LRP1B: variants seen among roughly 807,000 people sequenced by gnomAD.
LRP1B encodes LDL receptor related protein 1B, also known as low-density lipoprotein receptor-related protein 1B.
LRP1B carries 217 observed loss-of-function variants against 556.6 expected under a neutral mutation model. That is an observed-to-expected ratio of 0.39 (90% CI 0.35 to 0.44). The LOEUF (loss-of-function observed/expected upper bound fraction) is 0.44, where lower values mean the gene tolerates loss of function less well. Among genes scored for constraint, LRP1B ranks in the 20% least tolerant of loss-of-function variants. LRP1B has a pLI of 1.00. For synonymous variants in LRP1B, 2,047 were observed against 1,865.8 expected, an observed-to-expected ratio of 1.10 and a Z score of -2.50; for missense variants, 5,053 against 5,620.8, an observed-to-expected ratio of 0.90 and a Z score of 3.23.
intron 6 of LRP1B, among the ~76,000 whole-genome samples, chr2:141,202,216 T>C (rs1284072633): frequency 1.3e-5 from 2 of 152,166 alleles, no homozygotes; most frequent in Non-Finnish European, 2.9e-5. Flanking sequence ...GCTCCATCCA[T>C]GTTACTGCAA....
rs1695510002 is a variant in LRP1B, at chr2:140,945,325, A to T, written c.3136+4910T>A. Among the ~76,000 whole-genome samples, 3 of 152,194 alleles carry T rather than the reference A, an allele frequency of 2.0e-5. No homozygotes were observed. In the South Asian group the frequency reaches 6.2e-4, roughly 31 times the overall value. On this transcript the variant is annotated intron_variant, in intron 20 of 90. Coordinates refer to ENST00000389484, the MANE Select transcript of LRP1B (RefSeq NM_018557.3). ...CCACAGATTCAACACCATTCCTATC[A>T]AAACACCAGCATCAATTTTCACAGA...
At chr2:141,466,397 A>G (rs553541561) in intron 3 of LRP1B, among the ~76,000 whole-genome samples, 2 of 152,314 alleles carry the variant, frequency 1.3e-5, no homozygotes, top group South Asian at 2.1e-4. Flanking sequence ...CATGTATAGC[A>G]TGAAATGTTA....
At chr2:141,291,240 A>AG (rs1685936225) in intron 3 of LRP1B, among the ~76,000 whole-genome samples, 1 of 152,162 alleles carries the variant, frequency 6.6e-6, no homozygotes, top group Admixed American at 6.5e-5. Flanking sequence ...TACTTTTGTG[A>AG]GAAAATTGTT....
intron 3 of LRP1B, among the ~76,000 whole-genome samples, chr2:141,281,574 A>G (rs1192097994): frequency 6.6e-6 from 1 of 152,034 alleles, no homozygotes; most frequent in East Asian, 1.9e-4. Context: ...AATTTGATAA[A>G]ATTGTAGTAT....
At chr2:140,372,891 C>G in intron 69 of LRP1B, 117 bp downstream of exon 69, 1 of 1,098,630 alleles carries the variant, frequency 9.1e-7, no homozygotes, top group Non-Finnish European at 1.3e-6. Flanking sequence ...CAGACCCTTT[C>G]TTAAAAATGG....
intron 32 of LRP1B, among the ~76,000 whole-genome samples, chr2:140,787,380 A>T (rs373729547): frequency 1.3e-5 from 2 of 152,170 alleles, no homozygotes; most frequent in East Asian, 3.9e-4. Context: ...AATAATAGAC[A>T]CATATTTCCA....
intron 41 of LRP1B, among the ~76,000 whole-genome samples, chr2:140,669,139 A>G (rs2105354720): frequency 6.6e-6 from 1 of 152,318 alleles, no homozygotes; most frequent in Admixed American, 6.5e-5. Flanking sequence ...TTTGTCATTC[A>G]TAAGCCACGG....
chr2:142,072,464 C>T (rs939398443), intron 1 of LRP1B, among the ~76,000 whole-genome samples: 17 of 151,976 alleles, frequency 1.1e-4, no homozygotes, highest in African/African-American at 4.1e-4. Context: ...AACACATGCT[C>T]CCTAACCCCT....
intron 86 of LRP1B, among the ~76,000 whole-genome samples, chr2:140,261,051 G>A (rs1185263354): frequency 1.6e-5 from 2 of 128,254 alleles, no homozygotes; most frequent in Admixed American, 8.1e-5. Context: ...ATATATATAT[G>A]TGTGTGTATA....
At chr2:141,734,456 TAGAG>T (rs1047388331) in intron 2 of LRP1B, among the ~76,000 whole-genome samples, 4 of 151,170 alleles carry the variant, frequency 2.6e-5, no homozygotes, top group African/African-American at 7.3e-5. Context: ...CAGGGAGAGA[TAGAG>T]AGAGAGAGTG....
intron 66 of LRP1B, among the ~76,000 whole-genome samples, chr2:140,390,036 A>T (rs558230070): frequency 1.2e-4 from 19 of 152,182 alleles, no homozygotes; most frequent in African/African-American, 4.6e-4. Flanking sequence ...AAGCTGAGGC[A>T]GGAGAATCAC....
chr2:140,591,933 C>A (rs1325329734), intron 43 of LRP1B, among the ~76,000 whole-genome samples: 4 of 152,002 alleles, frequency 2.6e-5, no homozygotes, highest in Non-Finnish European at 5.9e-5. Flanking sequence ...ATCCTATCAC[C>A]CAAGTCAGCA....
At chr2:140,526,386 G>A (rs2104970753) in intron 47 of LRP1B, 36 bp from the exon 48 acceptor site, 1 of 1,205,382 alleles carries the variant, frequency 8.3e-7, no homozygotes, top group Non-Finnish European at 1.2e-6. Context: ...TGCAAAGATG[G>A]GACAGAATGA....
At chr2:141,797,175 A>AAC (rs1695848374) in intron 2 of LRP1B, among the ~76,000 whole-genome samples, 1 of 119,964 alleles carries the variant, frequency 8.3e-6, no homozygotes, top group African/African-American at 3.0e-5. Flanking sequence ...ATATATATAT[A>AAC]TATATATATA....
intron 11 of LRP1B, among the ~76,000 whole-genome samples, chr2:141,033,129 G>T (rs746863104): frequency 6.6e-5 from 10 of 151,866 alleles, no homozygotes; most frequent in Admixed American, 3.3e-4. Flanking sequence ...AACAGCACGT[G>T]GTAAAGGCCC....
chr2:140,680,523 C>T (rs1014268689), intron 41 of LRP1B, among the ~76,000 whole-genome samples: 7 of 152,134 alleles, frequency 4.6e-5, no homozygotes, highest in African/African-American at 9.7e-5. Flanking sequence ...TGCTGACTGC[C>T]CCTTGGACCT....
At chr2:141,861,561 G>A (rs569032992) in intron 1 of LRP1B, among the ~76,000 whole-genome samples, 48 of 152,290 alleles carry the variant, frequency 3.2e-4, no homozygotes, top group Non-Finnish European at 5.9e-4. Flanking sequence ...CCAAGAAAAT[G>A]AAGAAGCACC....
At position 142,026,332 on chromosome 2, in the gene LRP1B, T is replaced by C. The variant is rs564438770; in HGVS notation, c.82+104316A>G. Among the ~76,000 whole-genome samples, 6 of 152,196 alleles carry C rather than the reference T, an allele frequency of 3.9e-5. No individual in the cohort carries two copies. The South Asian group carries it at 1.2e-3, about 32-fold the overall frequency. ...CTCTCAGCTTATATGCATAACGATA[T>C]GGAGACAGCTGAAAAGACACGCCAG... On this transcript the variant is annotated intron_variant, in intron 1 of 90. Coordinates refer to ENST00000389484, the MANE Select transcript of LRP1B (RefSeq NM_018557.3).
intron 1 of LRP1B, among the ~76,000 whole-genome samples, chr2:142,074,929 C>T (rs906926739): frequency 3.9e-5 from 6 of 152,044 alleles, no homozygotes; most frequent in Non-Finnish European, 7.4e-5. Flanking sequence ...ATTCATTTTT[C>T]TAAATCACAA....
Sources: allele counts gnomAD v4.1 joint callset (sites outside exome capture counted in the v4.1 genomes callset), GRCh38; gene constraint gnomAD v4.1.1; transcripts MANE v1.5; gene names NCBI Gene and HGNC (gene_info 2026-07-23, HGNC 2026-07-21).